RICTOR: variants seen among roughly 807,000 people sequenced by gnomAD.
RICTOR encodes the protein rapamycin-insensitive companion of mTOR.
A neutral mutation model predicts 214.9 loss-of-function variants in RICTOR; 49 were observed. The ratio of observed to expected loss-of-function variants is 0.23; its 90% CI spans 0.18 to 0.29. The LOEUF is 0.29. RICTOR is among the 10% of genes least tolerant of loss of function. The probability of loss-of-function intolerance (pLI) is 1.00; values close to 1 mark genes in which losing one functional copy is unlikely to be tolerated. For synonymous variants in RICTOR, 717 were observed against 711.3 expected (o/e 1.01, Z -0.13); for missense variants, 1,625 against 2,047.0 (o/e 0.79, Z 3.98).
Position 38,947,445 on chromosome 5 carries a change from T to C in RICTOR, c.4137-4A>G. On this transcript the variant is annotated splice_region_variant and splice_polypyrimidine_tract_variant and intron_variant, in intron 31 of 37. Coordinates refer to ENST00000357387, the MANE Select transcript of RICTOR (RefSeq NM_152756.5). ...ATAACTTAAGGCTTTCATGAACCTA[T>C]AAAACCATAAAGAAACCACTTGCAT... 6.3e-7 allele frequency: 1 copy of C among 1,595,328 alleles called. No individual in the cohort carries two copies. Among genetic ancestry groups the C allele is most frequent in the Non-Finnish European group, 8.6e-7 (1 of 1,165,474 alleles).
At chr5:38,977,369 A>C (rs1751323649) in intron 9 of RICTOR, among the ~76,000 whole-genome samples, 1 of 152,182 alleles carries the variant, frequency 6.6e-6, no homozygotes, top group Non-Finnish European at 1.5e-5. Context: ...TTTGGTGTGC[A>C]GCAACAGAAA....
Position 38,953,013 on chromosome 5 carries a change from T to G in RICTOR, c.2869A>C (p.Lys957Gln). Residue 957 changes from lysine to glutamine, a missense_variant, in exon 29 of 38, where the codon AAA becomes CAA. Around this residue, in one of 5 missense-constraint regions of RICTOR, gnomAD observed 1,214 missense variants for 1,470.5 expected, o/e 0.83. Transcript: ENST00000357387. ...NVIPDILKLAKQCEVLSIRGT... is the reference protein window; with the variant it reads ...NVIPDILKLAQQCEVLSIRGT... ...CTGATGGAAAGAACTTCACACTGTTTTGCAAGTTTTAGTATATCTGGAATC... is the reference window on the plus strand; with the variant it reads ...CTGATGGAAAGAACTTCACACTGTTGTGCAAGTTTTAGTATATCTGGAATC... 1.9e-6 allele frequency: 3 copies of G among 1,609,318 alleles called. No homozygotes were observed. Among genetic ancestry groups the G allele is most frequent in the Non-Finnish European group, 2.5e-6 (3 of 1,176,520 alleles).
At chr5:38,979,770 T>C (rs1201709970) in intron 8 of RICTOR, among the ~76,000 whole-genome samples, 2 of 152,196 alleles carry the variant, frequency 1.3e-5, no homozygotes, top group Non-Finnish European at 2.9e-5. Flanking sequence ...CTATGTATTA[T>C]CTTGTTTGTT....
At chr5:39,071,399 A>T (rs1377977925) in intron 2 of RICTOR, among the ~76,000 whole-genome samples, 1 of 152,222 alleles carries the variant, frequency 6.6e-6, no homozygotes, top group African/African-American at 2.4e-5. Context: ...AGTTTATAAT[A>T]TTCAAAACAA....
At position 38,939,309 on chromosome 5, in the gene RICTOR, T is replaced by C. The variant is rs79387446; in HGVS notation, c.*2995A>G. 6.6e-4 allele frequency: 154 copies of C among 232,448 alleles called. No individual in the cohort carries two copies. Among genetic ancestry groups the C allele is most frequent in the African/African-American group, 3.2e-3 (146 of 45,412 alleles). The allele number at this position is 232,448 out of a possible 1,614,324, so 14.4% of individuals were successfully genotyped here. On this transcript the variant is annotated 3_prime_UTR_variant, in exon 38 of 38. Transcript: ENST00000357387. ...TCTAGATAAAAGAGCTGAAACCCAT[T>C]AAAGTTGTCATTTCAAAAGGACTTG...
At chr5:38,945,140 A>G (rs1346225586) in intron 34 of RICTOR, 72 bp from the exon 35 acceptor site, 2 of 1,040,032 alleles carry the variant, frequency 1.9e-6, no homozygotes, top group African/African-American at 1.6e-5. Flanking sequence ...TTGCATGCTA[A>G]AAAGAAATAA....
chr5:38,958,486 C>T lies in RICTOR; in HGVS notation c.2377G>A (p.Ala793Thr). 1 of 1,612,512 alleles carries T rather than the reference C, an allele frequency of 6.2e-7. No individual in the cohort carries two copies. The highest frequency in any genetic ancestry group is 8.5e-7 in the Non-Finnish European group (1 of 1,178,746). Residue 793 changes from alanine to threonine, a missense_variant, in exon 24 of 38, where the codon GCG becomes ACG. Ala to Thr is a moderately conservative substitution (Grantham distance 58). Coordinates refer to ENST00000357387, the MANE Select transcript of RICTOR (RefSeq NM_152756.5). ...NLHALIQMKP[A>T]LSHLGDKGLL... The stretch of plus-strand genomic sequence containing the variant: ...CCCTTGTCTCCAAGGTGGGATAACG[C>T]TGGTTTCATCTGAATGAGAGCATGA...
chr5:39,021,231 C>A, intron 2 of RICTOR, 95 bp from the exon 3 acceptor site: 1 of 761,924 alleles, frequency 1.3e-6, no homozygotes. Context: ...ACAACTTTGG[C>A]TCTTGGTTTA....
chr5:39,014,888 T>A (rs1754825212), intron 3 of RICTOR, among the ~76,000 whole-genome samples: 1 of 152,188 alleles, frequency 6.6e-6, no homozygotes, highest in Admixed American at 6.5e-5. Flanking sequence ...TTAAGATAAC[T>A]TAATCCTAAC....
rs1472368190 is a variant in RICTOR at position 38,939,680 on chromosome 5, C to T, written c.*2624G>A. 1.7e-5 allele frequency: 4 copies of T among 230,174 alleles called. No individual in the cohort carries two copies. Among genetic ancestry groups the T allele is most frequent in the African/African-American group, 6.6e-5 (3 of 45,132 alleles). The allele number at this position is 230,174 out of a possible 1,614,324, so 14.3% of individuals were successfully genotyped here. On this transcript the variant is annotated 3_prime_UTR_variant, in exon 38 of 38. Transcript: ENST00000357387. ...ACCAGCACAACTGCCCAGATTCCTC[C>T]CAATTATTCAATAATTACCAATAGT...
chr5:39,030,028 CAAT>C (rs1756150701), intron 2 of RICTOR, among the ~76,000 whole-genome samples: 1 of 152,016 alleles, frequency 6.6e-6, no homozygotes, highest in Admixed American at 6.6e-5. Context: ...AAAGTAGAAA[CAAT>C]AATGACCTTC....
intron 11 of RICTOR, chr5:38,971,571 T>G: frequency 6.3e-6 from 1 of 157,816 alleles, no homozygotes; most frequent in Non-Finnish European, 1.3e-5. Flanking sequence ...TAAGTAGAGA[T>G]GGGGTTTCAC....
intron 2 of RICTOR, among the ~76,000 whole-genome samples, chr5:39,064,651 G>A (rs1253189006): frequency 6.6e-6 from 1 of 152,172 alleles, no homozygotes; most frequent in South Asian, 2.1e-4. Context: ...CTGGGAGCGG[G>A]AGGAGGCAGC....
At chr5:38,949,666 TA>T (rs2112843788) in intron 31 of RICTOR, 45 bp downstream of exon 31, 1 of 1,515,822 alleles carries the variant, frequency 6.6e-7, no homozygotes, top group Non-Finnish European at 9.0e-7. Context: ...TTAAATTTGT[TA>T]AAATGCAACC....
In RICTOR at chr5:38,942,148, A is replaced by G; in HGVS notation, c.*156T>C. Reference sequence around the variant, plus strand: ...GGAAGTTGTTTTGGTTAGGAAAGTCAGCAGTTCCAACTGTTCATGTACCAG... The same window carrying G: ...GGAAGTTGTTTTGGTTAGGAAAGTCGGCAGTTCCAACTGTTCATGTACCAG... On this transcript the variant is annotated 3_prime_UTR_variant, in exon 38 of 38. Coordinates refer to ENST00000357387, the MANE Select transcript of RICTOR (RefSeq NM_152756.5). The G allele has an allele frequency of 2.3e-6, 1 of 432,594 alleles. No homozygotes were observed. The highest frequency in any genetic ancestry group is 4.2e-6 in the Non-Finnish European group (1 of 236,252). The allele number at this position is 432,594 out of a possible 1,614,324, so 26.8% of individuals were successfully genotyped here.
chr5:38,983,241 A>G (rs1277546024), intron 7 of RICTOR, among the ~76,000 whole-genome samples: 1 of 152,214 alleles, frequency 6.6e-6, no homozygotes, highest in Non-Finnish European at 1.5e-5. Context: ...AGTTCTTATA[A>G]AATTTGTCTT....
chr5:39,005,585 A>G (rs1753993758), intron 3 of RICTOR, among the ~76,000 whole-genome samples: 1 of 152,180 alleles, frequency 6.6e-6, no homozygotes, highest in South Asian at 2.1e-4. Context: ...GTTGTTACTG[A>G]AAATAGGTTT....
chr5:39,002,686 A>G lies in RICTOR; in HGVS notation c.261-20T>C. 6.3e-7 allele frequency: 1 copy of G among 1,584,374 alleles called. No individual in the cohort carries two copies. ...CGCAAACTGTATGAAAACAAACAAAATACAAGTTTTGCTGCACAGGTTTCA... is the reference window on the plus strand; with the variant it reads ...CGCAAACTGTATGAAAACAAACAAAGTACAAGTTTTGCTGCACAGGTTTCA... On this transcript the variant is annotated intron_variant, in intron 4 of 37. Coordinates refer to ENST00000357387, the MANE Select transcript of RICTOR (RefSeq NM_152756.5).
At chr5:38,987,133 T>C (rs1752234607) in intron 7 of RICTOR, among the ~76,000 whole-genome samples, 1 of 152,222 alleles carries the variant, frequency 6.6e-6, no homozygotes, top group Non-Finnish European at 1.5e-5. Flanking sequence ...TGCCAGTATT[T>C]TATTGAAGAT....
Sources: allele counts gnomAD v4.1 joint callset (sites outside exome capture counted in the v4.1 genomes callset), GRCh38; gene constraint gnomAD v4.1.1; regional missense constraint gnomAD v4.1.1; transcripts MANE v1.5; gene names NCBI Gene and HGNC (gene_info 2026-07-23, HGNC 2026-07-21).